The following RIMS1 variants were observed in gnomAD, a reference collection of about 807,000 sequenced individuals.
The protein encoded by RIMS1 is regulating synaptic membrane exocytosis 1.
Under a neutral mutation model 214.1 loss-of-function variants are expected in RIMS1, and 83 were observed. That is an observed-to-expected ratio of 0.39 (90% CI 0.32 to 0.47). RIMS1 has a LOEUF of 0.47. Among genes scored for constraint, RIMS1 ranks in the 20% least tolerant of loss-of-function variants. RIMS1 has a pLI of 0.99. For synonymous variants in RIMS1, 793 were observed against 786.8 expected, an observed-to-expected ratio of 1.01 and a Z score of -0.13; for missense variants, 2,050 against 2,161.8, an observed-to-expected ratio of 0.95 and a Z score of 1.03.
chr6:72,335,933 G>T (rs2154345907), intron 29 of RIMS1, among the ~76,000 whole-genome samples: 1 of 151,860 alleles, frequency 6.6e-6, no homozygotes, highest in South Asian at 2.1e-4. Context: ...TTCTTCTCTT[G>T]TAAATTTGTT....
chr6:72,136,696 T>A (rs1487610260), intron 4 of RIMS1, among the ~76,000 whole-genome samples: 1 of 152,092 alleles, frequency 6.6e-6, no homozygotes, highest in Admixed American at 6.5e-5. Context: ...TTTAGGAAGA[T>A]AAGGATGACT....
Position 72,250,958 on chromosome 6 carries a change from A to G in RIMS1, c.2410A>G (p.Ile804Val). Reference sequence around the variant, plus strand: ...AAGGAGGACCAAAACAGTAAAGAAAATACTAGAACCAAAATGGAATCAAAC... The same window carrying G: ...AAGGAGGACCAAAACAGTAAAGAAAGTACTAGAACCAAAATGGAATCAAAC... The part of the protein sequence containing the change: ...SKRRTKTVKK[I>V]LEPKWNQTFV... The change falls in exon 14 of 34, where the codon ATA becomes GTA. Residue 804 changes from isoleucine (I) to valine (V), a missense_variant. This residue lies in a region of RIMS1 where 889 missense variants were observed against 885.5 expected (regional missense o/e 1.00). Coordinates refer to ENST00000521978, the MANE Select transcript of RIMS1 (RefSeq NM_014989.7). The G allele has an allele frequency of 6.5e-7, 1 of 1,539,552 alleles. No individual in the cohort carries two copies. Among genetic ancestry groups the G allele is most frequent in the Non-Finnish European group, 8.8e-7 (1 of 1,142,694 alleles).
At chr6:72,398,487 T>C in intron 32 of RIMS1, 137 bp downstream of exon 32, 2 of 572,664 alleles carry the variant, frequency 3.5e-6, no homozygotes, top group Non-Finnish European at 6.0e-6. Flanking sequence ...TCTGTGTTCT[T>C]TGATGTTATT....
intron 2 of RIMS1, among the ~76,000 whole-genome samples, chr6:72,081,896 T>G (rs540267618): frequency 9.8e-5 from 15 of 152,330 alleles, no homozygotes; most frequent in Admixed American, 7.2e-4. Context: ...CAATGTATTT[T>G]AATTAAATGA....
At chr6:72,309,675 G>C (rs1392138054) in intron 27 of RIMS1, among the ~76,000 whole-genome samples, 1 of 151,674 alleles carries the variant, frequency 6.6e-6, no homozygotes, top group Non-Finnish European at 1.5e-5. Context: ...TTCAGATATA[G>C]TACTATGGCT....
chr6:71,917,039 C>T (rs1320197581), intron 1 of RIMS1, among the ~76,000 whole-genome samples: 1 of 152,078 alleles, frequency 6.6e-6, no homozygotes, highest in Non-Finnish European at 1.5e-5. Context: ...CTTACATTAC[C>T]ATTCTGCTGC....
intron 31 of RIMS1, among the ~76,000 whole-genome samples, chr6:72,397,016 T>G (rs1189710550): frequency 2.0e-5 from 3 of 151,848 alleles, no homozygotes; most frequent in Admixed American, 6.6e-5. Flanking sequence ...CTGTCTCAAA[T>G]AAATAAATAA....
intron 2 of RIMS1, among the ~76,000 whole-genome samples, chr6:72,054,828 C>T (rs1825730933): frequency 6.6e-6 from 1 of 151,858 alleles, no homozygotes; most frequent in South Asian, 2.1e-4. Context: ...GATATTAGAC[C>T]TTTTTCAGAT....
intron 1 of RIMS1, 37 bp downstream of exon 1, chr6:71,887,224 G>A: frequency 6.3e-7 from 1 of 1,579,444 alleles, no homozygotes; most frequent in Non-Finnish European, 8.6e-7. Context: ...ATGCCTCCGT[G>A]CCTCCATCCG....
intron 4 of RIMS1, among the ~76,000 whole-genome samples, chr6:72,106,948 T>A (rs1299386229): frequency 6.6e-6 from 1 of 152,188 alleles, no homozygotes; most frequent in Non-Finnish European, 1.5e-5. Context: ...TAGTATATCT[T>A]TCTCTTATAT....
intron 2 of RIMS1, among the ~76,000 whole-genome samples, chr6:72,085,230 A>T (rs1834362192): frequency 6.6e-6 from 1 of 152,166 alleles, no homozygotes; most frequent in Non-Finnish European, 1.5e-5. Context: ...TTTAGATACA[A>T]ACTGATAATT....
chr6:72,123,000 C>T lies in RIMS1; in HGVS notation c.471+23014C>T, dbSNP rs964474927. On this transcript the variant is annotated intron_variant, in intron 4 of 33. Transcript: ENST00000521978. The stretch of plus-strand genomic sequence containing the variant: ...AATTCTGCTCAGATCTTAGTTTTTT[C>T]TTGTCTTCTGCTAGCTTTTGAATTT... Among the ~76,000 whole-genome samples, 12 of 151,478 alleles carry T rather than the reference C, an allele frequency of 7.9e-5. 1 individual carries two copies. Among genetic ancestry groups the T allele is most frequent in the Non-Finnish European group, 1.6e-4 (11 of 67,772 alleles).
At chr6:72,074,919 G>C (rs1831430527) in intron 2 of RIMS1, among the ~76,000 whole-genome samples, 1 of 152,126 alleles carries the variant, frequency 6.6e-6, no homozygotes, top group Non-Finnish European at 1.5e-5. Flanking sequence ...TGCAATTGTA[G>C]TTATCCTTTT....
intron 6 of RIMS1, among the ~76,000 whole-genome samples, chr6:72,197,662 A>G (rs1016092518): frequency 2.6e-5 from 4 of 152,110 alleles, no homozygotes. Flanking sequence ...AGTATCACAC[A>G]CTTGCCTACA....
chr6:72,299,736 A>G (rs977423141), intron 26 of RIMS1, among the ~76,000 whole-genome samples: 3 of 151,922 alleles, frequency 2.0e-5, no homozygotes, highest in African/African-American at 7.2e-5. Flanking sequence ...GTATAAATAA[A>G]AATTAAGCAC....
At chr6:72,216,516 G>A in intron 6 of RIMS1, 1 of 985,456 alleles carries the variant, frequency 1.0e-6, no homozygotes, top group Non-Finnish European at 1.2e-6. Flanking sequence ...ATGCTTTCTG[G>A]TGCCAGTTGT....
chr6:72,291,932 A>T lies in RIMS1; in HGVS notation c.3738-2A>T. The T allele has an allele frequency of 6.4e-7, 1 of 1,555,210 alleles. No homozygotes were observed. Among genetic ancestry groups the T allele is most frequent in the Non-Finnish European group, 8.7e-7 (1 of 1,148,916 alleles). On this transcript the variant is annotated splice_acceptor_variant, in intron 25 of 33. Transcript: ENST00000521978. LOFTEE classifies it high-confidence loss of function. ...CATGCCCGCTTTGCTTTTTGCCTGC[A>T]GAATGCACCGACAGAGAAGTCCAAC...
chr6:72,272,898 G>T (rs1352816080), intron 22 of RIMS1, among the ~76,000 whole-genome samples: 8 of 152,074 alleles, frequency 5.3e-5, no homozygotes, highest in African/African-American at 1.2e-4. Flanking sequence ...ACAGTGAAAA[G>T]AAACTTTTTA....
At chr6:71,911,227 C>A (rs1475815494) in intron 1 of RIMS1, among the ~76,000 whole-genome samples, 5 of 152,098 alleles carry the variant, frequency 3.3e-5, no homozygotes, top group African/African-American at 1.2e-4. Context: ...AAAAATGTGT[C>A]CATGTGTCAT....
Sources: allele counts gnomAD v4.1 joint callset (sites outside exome capture counted in the v4.1 genomes callset), GRCh38; gene constraint gnomAD v4.1.1; regional missense constraint gnomAD v4.1.1; transcripts MANE v1.5; gene names NCBI Gene and HGNC (gene_info 2026-07-23, HGNC 2026-07-21).